Variants in KCNH1 observed in about 807,000 individuals in gnomAD.
KCNH1 encodes the protein voltage-gated delayed rectifier potassium channel KCNH1.
A neutral mutation model predicts 69.2 loss-of-function variants in KCNH1; 27 were observed. The ratio of observed to expected loss-of-function variants is 0.39; its 90% CI spans 0.29 to 0.54. The LOEUF is 0.54. KCNH1 is among the 20% of genes least tolerant of loss of function. The pLI, the probability that KCNH1 is intolerant of heterozygous loss-of-function variation, is 0.68. For synonymous variants in KCNH1, 456 were observed against 487.7 expected, an observed-to-expected ratio of 0.93 and a Z score of 0.86; for missense variants, 798 against 1,261.6, an observed-to-expected ratio of 0.63 and a Z score of 5.57.
intron 7 of KCNH1, chr1:210,860,110 T>C: frequency 9.1e-7 from 1 of 1,100,638 alleles, no homozygotes; most frequent in African/African-American, 3.8e-5. Context: ...ACTGGAAGAA[T>C]CTTTTGTGCA....
chr1:211,129,590 T>C (rs1028980556), intron 1 of KCNH1, among the ~76,000 whole-genome samples: 32 of 152,308 alleles, frequency 2.1e-4, no homozygotes, highest in Admixed American at 1.7e-3. Flanking sequence ...TGGCTGAAGA[T>C]TGTCTTAGAA....
At chr1:210,708,773 A>G (rs903104208) in intron 10 of KCNH1, among the ~76,000 whole-genome samples, 6 of 152,206 alleles carry the variant, frequency 3.9e-5, no homozygotes, top group Admixed American at 3.9e-4. Context: ...TTGTTGTAAC[A>G]TTCAGATTCC....
intron 7 of KCNH1, among the ~76,000 whole-genome samples, chr1:210,872,626 A>G (rs1442134644): frequency 6.6e-6 from 1 of 152,156 alleles, no homozygotes; most frequent in East Asian, 1.9e-4. Flanking sequence ...GTAAAGGGGG[A>G]GCAAGGTGTC....
chr1:210,773,434 G>C (rs971335354), intron 10 of KCNH1, among the ~76,000 whole-genome samples: 1 of 152,150 alleles, frequency 6.6e-6, no homozygotes, highest in Non-Finnish European at 1.5e-5. Context: ...AGGATACTAA[G>C]GCACCAAGCC....
chr1:210,766,641 G>T (rs1683640525), intron 10 of KCNH1, among the ~76,000 whole-genome samples: 1 of 152,192 alleles, frequency 6.6e-6, no homozygotes, highest in Non-Finnish European at 1.5e-5. Flanking sequence ...TGGAGTCAGG[G>T]TCCCATTATG....
At chr1:210,970,047 C>T (rs1170719932) in intron 6 of KCNH1, among the ~76,000 whole-genome samples, 1 of 152,056 alleles carries the variant, frequency 6.6e-6, no homozygotes, top group Non-Finnish European at 1.5e-5. Flanking sequence ...TAGGCACATG[C>T]CACCACACCA....
rs374366895 is a variant in KCNH1, at chr1:210,780,939, T to C, written c.1916-5395A>G. ...GCAGGTGCCTGTAGTCCCAGCTACT[T>C]GGGAGGCTGAGGCAGGAGAATGGCG... On this transcript the variant is annotated intron_variant, in intron 9 of 10. Coordinates refer to ENST00000271751, the MANE Select transcript of KCNH1 (RefSeq NM_172362.3). Among the ~76,000 whole-genome samples, 388 of 152,084 alleles carry C rather than the reference T, an allele frequency of 2.6e-3. 1 individual carries two copies. The highest frequency in any genetic ancestry group is 8.7e-3 in the African/African-American group (361 of 41,460).
intron 1 of KCNH1, among the ~76,000 whole-genome samples, chr1:211,127,164 C>G (rs1691791081): frequency 6.6e-6 from 1 of 152,138 alleles, no homozygotes; most frequent in Admixed American, 6.5e-5. Flanking sequence ...CAGTATTGGG[C>G]ACATAGGAAG....
At position 211,073,381 on chromosome 1, in the gene KCNH1, G is replaced by A. The variant is rs73073492; in HGVS notation, c.558+9399C>T. 3.7e-3 allele frequency among the ~76,000 whole-genome samples: 560 copies of A among 152,280 alleles called. 4 individuals carry two copies. The highest frequency in any genetic ancestry group is 0.012 in the African/African-American group (519 of 41,554). ...ATACCATCAATCAACTGGATATAAT[G>A]AACATGTAGAGACTACTTTGTCCAA... On this transcript the variant is annotated intron_variant, in intron 5 of 10. Coordinates refer to ENST00000271751, the MANE Select transcript of KCNH1 (RefSeq NM_172362.3).
chr1:211,093,888 G>T (rs563220624), intron 3 of KCNH1, among the ~76,000 whole-genome samples: 83 of 152,262 alleles, frequency 5.5e-4, no homozygotes, highest in African/African-American at 2.0e-3. Context: ...ATAAAGGGGG[G>T]AAGGCAAAAG....
At chr1:210,900,044 T>TG (rs1292973801) in intron 7 of KCNH1, among the ~76,000 whole-genome samples, 1 of 152,250 alleles carries the variant, frequency 6.6e-6, no homozygotes, top group East Asian at 1.9e-4. Context: ...TAGTCCTAAA[T>TG]GCTTCTTGCC....
At chr1:210,737,032 G>C (rs1682897258) in intron 10 of KCNH1, among the ~76,000 whole-genome samples, 1 of 152,188 alleles carries the variant, frequency 6.6e-6, no homozygotes. Flanking sequence ...TCTGGTAAAG[G>C]AACAAAGCAA....
chr1:210,926,952 A>G (rs1172480787), intron 6 of KCNH1, among the ~76,000 whole-genome samples: 1 of 152,174 alleles, frequency 6.6e-6, no homozygotes, highest in Non-Finnish European at 1.5e-5. Context: ...AGAATTGAAC[A>G]AGCAGGAGAA....
chr1:210,751,260 C>T (rs548228620), intron 10 of KCNH1, among the ~76,000 whole-genome samples: 4 of 152,066 alleles, frequency 2.6e-5, no homozygotes, highest in African/African-American at 9.7e-5. Flanking sequence ...ATGAGCTGGA[C>T]GCAAGCTCAG....
At chr1:210,997,525 T>C (rs1328236178) in intron 6 of KCNH1, among the ~76,000 whole-genome samples, 1 of 152,262 alleles carries the variant, frequency 6.6e-6, no homozygotes, top group African/African-American at 2.4e-5. Flanking sequence ...AAAGACCAAA[T>C]CTACGTCTGA....
At chr1:211,014,414 GATT>G (rs1231613686) in intron 6 of KCNH1, among the ~76,000 whole-genome samples, 1 of 152,202 alleles carries the variant, frequency 6.6e-6, no homozygotes, top group Non-Finnish European at 1.5e-5. Flanking sequence ...CTCCGAAACA[GATT>G]ATTACCAACA....
At chr1:210,955,319 T>C (rs1223849835) in intron 6 of KCNH1, among the ~76,000 whole-genome samples, 1 of 152,238 alleles carries the variant, frequency 6.6e-6, no homozygotes, top group Non-Finnish European at 1.5e-5. Context: ...GTAGTGTAGT[T>C]TGAAGTCAGG....
chr1:210,702,134 C>T (rs1041555676), intron 10 of KCNH1, among the ~76,000 whole-genome samples: 1 of 152,190 alleles, frequency 6.6e-6, no homozygotes, highest in African/African-American at 2.4e-5. Flanking sequence ...TTGAGTGTAA[C>T]TTACTGTATC....
intron 6 of KCNH1, among the ~76,000 whole-genome samples, chr1:210,997,919 A>T (rs1045114210): frequency 3.3e-5 from 5 of 152,234 alleles, no homozygotes; most frequent in African/African-American, 9.6e-5. Flanking sequence ...ACTAAGCTTC[A>T]TAAGTGAAGG....
Sources: allele counts gnomAD v4.1 joint callset (sites outside exome capture counted in the v4.1 genomes callset), GRCh38; gene constraint gnomAD v4.1.1; transcripts MANE v1.5; gene names NCBI Gene and HGNC (gene_info 2026-07-23, HGNC 2026-07-21).